Variants in IL23R observed in about 807,000 individuals in gnomAD.
IL23R encodes interleukin-23 receptor.
In IL23R, 34 loss-of-function variants were observed where a neutral mutation model predicts 56.9. That is an observed-to-expected ratio of 0.60 (90% CI 0.45 to 0.80). The LOEUF (loss-of-function observed/expected upper bound fraction) is 0.80, where lower values mean the gene tolerates loss of function less well. Among genes scored for constraint, IL23R ranks in the 30% least tolerant of loss-of-function variants. The pLI is 0.00. For missense variants in IL23R, 635 were observed against 730.0 expected (o/e 0.87, Z 1.50); for synonymous variants, 230 against 249.2 (o/e 0.92, Z 0.73).
In IL23R at chr1:67,168,077, A is replaced by C; in HGVS notation, c.-29-15A>C. Reference sequence around the variant, plus strand: ...AAATACTACAATTTAAACATTTTTCATATTTTTTTTCCAGAGGGAAACAGT... The same window carrying C: ...AAATACTACAATTTAAACATTTTTCCTATTTTTTTTCCAGAGGGAAACAGT... On this transcript the variant is annotated splice_polypyrimidine_tract_variant and intron_variant, in intron 1 of 10. Transcript: ENST00000347310. The C allele has an allele frequency of 1.5e-6, 2 of 1,335,046 alleles. No individual in the cohort carries two copies. Among genetic ancestry groups the C allele is most frequent in the Non-Finnish European group, 2.2e-6 (2 of 927,012 alleles). 82.7% of individuals were successfully genotyped at this position (1,335,046 alleles called of 1,614,324 possible). A position where few individuals can be genotyped will look rare whatever the true frequency, so the allele number is the denominator to read the frequency against.
At chr1:67,158,207 C>T (rs1179905759) in intron 1 of IL23R, among the ~76,000 whole-genome samples, 1 of 150,830 alleles carries the variant, frequency 6.6e-6, no homozygotes, top group Non-Finnish European at 1.5e-5. Context: ...CAGAGCAAGA[C>T]TCCATGTCAA....
intron 1 of IL23R, among the ~76,000 whole-genome samples, chr1:67,145,957 T>G (rs971387349): frequency 1.3e-5 from 2 of 152,194 alleles, no homozygotes; most frequent in Admixed American, 6.5e-5. Flanking sequence ...TCTCTCCTTT[T>G]GGGATATTTG....
intron 8 of IL23R, among the ~76,000 whole-genome samples, chr1:67,237,895 C>G (rs764079152): frequency 1.3e-5 from 2 of 152,178 alleles, no homozygotes; most frequent in Non-Finnish European, 2.9e-5. Flanking sequence ...CATTAAGCAA[C>G]TCCTGTGTAC....
intron 1 of IL23R, among the ~76,000 whole-genome samples, chr1:67,142,171 TACA>T (rs909481099): frequency 3.7e-4 from 56 of 152,212 alleles, no homozygotes; most frequent in Non-Finnish European, 6.2e-4. Flanking sequence ...TGGTTTTTCT[TACA>T]TACAACTGAG....
chr1:67,263,923 T>A (rs1038918677), downstream of IL23R, among the ~76,000 whole-genome samples: 2 of 150,926 alleles, frequency 1.3e-5, no homozygotes, highest in Non-Finnish European at 2.9e-5. Context: ...TGAAAGCAAA[T>A]CTCCTGTTGA....
chr1:67,226,045 T>C (rs965072841), intron 7 of IL23R, among the ~76,000 whole-genome samples: 9 of 152,228 alleles, frequency 5.9e-5, no homozygotes, highest in Non-Finnish European at 1.2e-4. Context: ...TCGCATATCA[T>C]GTGGCTCATC....
intron 3 of IL23R, among the ~76,000 whole-genome samples, chr1:67,171,428 G>T (rs1646942649): frequency 6.6e-6 from 1 of 152,136 alleles, no homozygotes; most frequent in Non-Finnish European, 1.5e-5. Context: ...ATATGGGCTG[G>T]CTTGTATAAT....
At chr1:67,222,695 C>T (rs1650375233) in intron 7 of IL23R, among the ~76,000 whole-genome samples, 1 of 152,112 alleles carries the variant, frequency 6.6e-6, no homozygotes, top group Non-Finnish European at 1.5e-5. Flanking sequence ...CGCTACTTTA[C>T]AAAAGCGGAA....
intron 1 of IL23R, among the ~76,000 whole-genome samples, chr1:67,153,114 C>T (rs2102535271): frequency 6.6e-6 from 1 of 152,222 alleles, no homozygotes; most frequent in Admixed American, 6.5e-5. Flanking sequence ...TAGTTACTGC[C>T]TCAATTTCAG....
chr1:67,237,184 AG>A (rs1478648656), intron 8 of IL23R, among the ~76,000 whole-genome samples: 2 of 152,288 alleles, frequency 1.3e-5, no homozygotes, highest in African/African-American at 4.8e-5. Context: ...CTGGGATTAC[AG>A]GCATCCGCCA....
intron 1 of IL23R, among the ~76,000 whole-genome samples, chr1:67,158,101 A>G (rs1646785811): frequency 6.6e-6 from 1 of 152,154 alleles, no homozygotes; most frequent in African/African-American, 2.4e-5. Flanking sequence ...CTGTAATCCC[A>G]GCTACCTGGG....
chr1:67,150,756 A>G (rs1336196005), intron 1 of IL23R, among the ~76,000 whole-genome samples: 1 of 151,924 alleles, frequency 6.6e-6, no homozygotes, highest in Non-Finnish European at 1.5e-5. Context: ...ATCAAGCTGG[A>G]TATAGAAATT....
At chr1:67,240,626 C>A (rs41313260) in intron 9 of IL23R, among the ~76,000 whole-genome samples, 1 of 152,044 alleles carries the variant, frequency 6.6e-6, no homozygotes, top group Non-Finnish European at 1.5e-5. Context: ...CTTTACTACA[C>A]GGCGTTTTCC....
intron 6 of IL23R, chr1:67,207,567 T>A (rs1188153460): frequency 2.8e-6 from 1 of 353,800 alleles, no homozygotes; most frequent in Admixed American, 3.5e-5. Flanking sequence ...AGTGAATAAG[T>A]CTCACGAGAT....
chr1:67,264,733 T>C (rs1653292936), downstream of IL23R, among the ~76,000 whole-genome samples: 1 of 152,238 alleles, frequency 6.6e-6, no homozygotes, highest in Non-Finnish European at 1.5e-5. Flanking sequence ...ATTTCACTTT[T>C]CAACTTAAGA....
rs200528179 is a variant in IL23R, at chr1:67,173,827, T to TG, written c.367+4189_367+4190insG. Among the ~76,000 whole-genome samples the TG allele has an allele frequency of 3.6e-3, 543 of 152,314 alleles. 2 individuals are homozygous for TG. Among genetic ancestry groups the TG allele is most frequent in the African/African-American group, 0.012 (505 of 41,582 alleles). ...CTTTACTAGTAACCATAATCCCTCTTTAATAATTTGGAATATGTCTTTGAA... is the reference window on the plus strand; with the variant it reads ...CTTTACTAGTAACCATAATCCCTCTTGTAATAATTTGGAATATGTCTTTGAA... On this transcript the variant is annotated intron_variant, in intron 3 of 10. Coordinates refer to ENST00000347310, the MANE Select transcript of IL23R (RefSeq NM_144701.3).
chr1:67,144,002 G>A (rs897533251), intron 1 of IL23R, among the ~76,000 whole-genome samples: 1 of 152,134 alleles, frequency 6.6e-6, no homozygotes, highest in Non-Finnish European at 1.5e-5. Context: ...AAGTTTAGGT[G>A]CTTGAAACTA....
In IL23R at chr1:67,219,590, C is replaced by T; in HGVS notation, c.815C>T (p.Thr272Ile). ...CCATTTTAGGTTAAAGAATTTGACA[C>T]CAATTTTACATATGTGCAACAGTCA... ...NQTWNVKEFD[T>I]NFTYVQQSEF... The change falls in exon 7 of 11, where the codon ACC becomes ATC. Residue 272 changes from threonine (T) to isoleucine (I), a missense_variant. Physicochemically the swap from Thr to Ile is moderately conservative, Grantham distance 89. Transcript: ENST00000347310. 6.2e-7 allele frequency: 1 copy of T among 1,613,890 alleles called. No individual in the cohort carries two copies. The highest frequency in any genetic ancestry group is 8.5e-7 in the Non-Finnish European group (1 of 1,179,872).
intron 1 of IL23R, among the ~76,000 whole-genome samples, chr1:67,155,372 T>C (rs905167158): frequency 6.6e-6 from 1 of 152,214 alleles, no homozygotes; most frequent in Non-Finnish European, 1.5e-5. Flanking sequence ...CTGGATAACA[T>C]CCTGAAATAT....
Sources: allele counts gnomAD v4.1 joint callset (sites outside exome capture counted in the v4.1 genomes callset), GRCh38; gene constraint gnomAD v4.1.1; transcripts MANE v1.5; gene names NCBI Gene and HGNC (gene_info 2026-07-23, HGNC 2026-07-21).